KLF15: variants seen among roughly 807,000 people sequenced by gnomAD.
KLF15 encodes Krueppel-like factor 15.
A neutral mutation model predicts 24.6 loss-of-function variants in KLF15; 4 were observed. That is an observed-to-expected ratio of 0.16 (90% CI 0.08 to 0.37). The LOEUF (loss-of-function observed/expected upper bound fraction) is 0.37, where lower values mean the gene tolerates loss of function less well. KLF15 is among the 10% of genes least tolerant of loss of function. The pLI is 1.00. For synonymous variants in KLF15, 246 were observed against 236.3 expected (o/e 1.04, Z -0.37); for missense variants, 496 against 560.6 (o/e 0.88, Z 1.16).
intron 2 of KLF15, among the ~76,000 whole-genome samples, chr3:126,348,763 A>C (rs945094746): frequency 6.6e-6 from 1 of 152,222 alleles, no homozygotes; most frequent in African/African-American, 2.4e-5. Context: ...GCTGGATCCC[A>C]CTCAGTAAGG....
At chr3:126,289,811 G>GCA in the KLF15 span, among the ~76,000 whole-genome samples, 2 of 152,188 alleles carry the variant, frequency 1.3e-5, no homozygotes, top group African/African-American at 2.4e-5. Flanking sequence ...GATCAACTTA[G>GCA]AAGTTTACTT....
At chr3:126,299,706 G>A in the KLF15 span, among the ~76,000 whole-genome samples, 21 of 127,826 alleles carry the variant, frequency 1.6e-4, no homozygotes, top group Admixed American at 1.5e-3. Context: ...CCGAGATCAC[G>A]CCACTGCACT....
the KLF15 span, among the ~76,000 whole-genome samples, chr3:126,315,951 A>G: frequency 2.0e-5 from 3 of 152,334 alleles, no homozygotes; most frequent in Middle Eastern, 3.4e-3. Flanking sequence ...TGATTCCGAC[A>G]TAAGAGAAGG....
At position 126,343,610 on chromosome 3, in the gene KLF15, A is replaced by G; in HGVS notation, c.*117T>C. On this transcript the variant is annotated 3_prime_UTR_variant, in exon 3 of 3. Coordinates refer to ENST00000296233, the MANE Select transcript of KLF15 (RefSeq NM_014079.4). ...TGGGTTCACACCTCCCAGGCTTCAG[A>G]AGGTGGGCTGGTAACATTGCCATGT... The G allele has an allele frequency of 2.9e-6, 3 of 1,046,920 alleles. No individual in the cohort carries two copies. Among genetic ancestry groups the G allele is most frequent in the South Asian group, 3.1e-5 (2 of 64,250 alleles). 64.9% of individuals were successfully genotyped at this position (1,046,920 alleles called of 1,614,324 possible). A position where few individuals can be genotyped will look rare whatever the true frequency, so the allele number is the denominator to read the frequency against.
chr3:126,314,080 T>C, the KLF15 span, among the ~76,000 whole-genome samples: 33 of 152,298 alleles, frequency 2.2e-4, no homozygotes, highest in East Asian at 6.4e-3. Context: ...TCTTGCTCTT[T>C]ATACAAAAGC....
At position 126,352,900 on chromosome 3, in the gene KLF15, A is replaced by C. The variant is rs367893417; in HGVS notation, c.23T>G (p.Val8Gly). Residue 8 changes from valine (V) to glycine (G), a missense_variant, in exon 2 of 3, where the codon GTG (valine) becomes GGG (glycine). By Grantham distance (109) the Val-to-Gly change is moderately radical. Transcript: ENST00000296233. ...TTTTGGCGACGAGAAGTTCTCGTCC[A>C]CTGGAAGTAAGTGGTCCACCATGCT... MVDHLLP[V>G]DENFSSPKCP... 2 of 1,608,562 alleles carry C rather than the reference A, an allele frequency of 1.2e-6. No individual in the cohort carries two copies. Among genetic ancestry groups the C allele is most frequent in the Non-Finnish European group, 1.7e-6 (2 of 1,177,404 alleles).
intron 1 of KLF15, 137 bp from the exon 2 acceptor site, chr3:126,353,084 G>A: frequency 9.8e-7 from 1 of 1,018,902 alleles, no homozygotes; most frequent in South Asian, 1.8e-5. Flanking sequence ...CCATCCCCCA[G>A]GAGAGCTGTG....
the KLF15 span, among the ~76,000 whole-genome samples, chr3:126,317,826 T>A: frequency 6.6e-6 from 1 of 152,128 alleles, no homozygotes; most frequent in Non-Finnish European, 1.5e-5. Context: ...CACTCCTGCT[T>A]AAAAACTTGC....
the KLF15 span, among the ~76,000 whole-genome samples, chr3:126,317,643 C>A: frequency 6.6e-6 from 1 of 152,034 alleles, no homozygotes; most frequent in African/African-American, 2.4e-5. Flanking sequence ...ACAGCCTACC[C>A]CAAGGGAAGA....
chr3:126,292,748 A>G, the KLF15 span, among the ~76,000 whole-genome samples: 1 of 152,098 alleles, frequency 6.6e-6, no homozygotes, highest in Admixed American at 6.5e-5. Flanking sequence ...TAGCAGGAAG[A>G]CAGGGCAGGG....
chr3:126,308,248 A>G, the KLF15 span, among the ~76,000 whole-genome samples: 2 of 152,186 alleles, frequency 1.3e-5, no homozygotes, highest in Non-Finnish European at 2.9e-5. Context: ...AGTCCAGCAC[A>G]ACCCTGATGC....
chr3:126,296,477 A>G, the KLF15 span, among the ~76,000 whole-genome samples: 26 of 152,338 alleles, frequency 1.7e-4, no homozygotes, highest in East Asian at 1.4e-3. Context: ...AAAGTGCTGG[A>G]ATTACAGGCG....
chr3:126,331,394 C>A, the KLF15 span, among the ~76,000 whole-genome samples: 3 of 152,122 alleles, frequency 2.0e-5, no homozygotes, highest in Non-Finnish European at 4.4e-5. Context: ...GCTTGATATG[C>A]AATTAGAAGT....
chr3:126,346,525 G>C (rs534368409), intron 2 of KLF15, among the ~76,000 whole-genome samples: 1 of 152,262 alleles, frequency 6.6e-6, no homozygotes, highest in South Asian at 2.1e-4. Flanking sequence ...CACCTTCCAA[G>C]ACTCATCTCA....
At chr3:126,300,354 G>A in the KLF15 span, among the ~76,000 whole-genome samples, 1 of 152,272 alleles carries the variant, frequency 6.6e-6, no homozygotes, top group Non-Finnish European at 1.5e-5. Flanking sequence ...GCTGGCCCTC[G>A]CAGGCACTTC....
the KLF15 span, among the ~76,000 whole-genome samples, chr3:126,299,295 C>G: frequency 3.9e-5 from 6 of 152,076 alleles, no homozygotes; most frequent in Admixed American, 6.5e-5. Context: ...TGATTTGATT[C>G]TCAGCTTGGC....
the KLF15 span, among the ~76,000 whole-genome samples, chr3:126,296,958 A>T: frequency 6.6e-6 from 1 of 151,920 alleles, no homozygotes; most frequent in Non-Finnish European, 1.5e-5. Flanking sequence ...TTTGTTTTTT[A>T]GATGCAGGGT....
the KLF15 span, among the ~76,000 whole-genome samples, chr3:126,309,523 G>T: frequency 6.6e-6 from 1 of 152,240 alleles, no homozygotes; most frequent in Admixed American, 6.5e-5. Flanking sequence ...GGTGCAGATG[G>T]TTACATGCAG....
chr3:126,294,711 A>G, the KLF15 span, among the ~76,000 whole-genome samples: 1 of 152,110 alleles, frequency 6.6e-6, no homozygotes, highest in Non-Finnish European at 1.5e-5. Flanking sequence ...CGAGCCTTGC[A>G]CAGGCTTTGG....
Sources: allele counts gnomAD v4.1 joint callset (sites outside exome capture counted in the v4.1 genomes callset), GRCh38; gene constraint gnomAD v4.1.1; transcripts MANE v1.5; gene names NCBI Gene and HGNC (gene_info 2026-07-23, HGNC 2026-07-21).